Variants in EAF2 observed in about 807,000 individuals in gnomAD.
The protein encoded by EAF2 is ELL associated factor 2.
EAF2 carries 29 observed loss-of-function variants against 29.4 expected under a neutral mutation model. The ratio of observed to expected loss-of-function variants is 0.99; its 90% CI spans 0.73 to 1.35. The LOEUF (loss-of-function observed/expected upper bound fraction) is 1.35, where lower values mean the gene tolerates loss of function less well. Ranked by LOEUF, EAF2 falls within the 40% of genes most tolerant of loss-of-function variation. The pLI is 0.00. For synonymous variants in EAF2, 103 were observed against 102.5 expected, an observed-to-expected ratio of 1.00 and a Z score of -0.03; for missense variants, 292 against 312.0, an observed-to-expected ratio of 0.94 and a Z score of 0.48.
intron 2 of EAF2, among the ~76,000 whole-genome samples, chr3:121,847,069 C>T (rs1708541817): frequency 6.6e-6 from 1 of 152,156 alleles, no homozygotes; most frequent in Non-Finnish European, 1.5e-5. Flanking sequence ...AAGAATATGC[C>T]TCAGTATTTG....
intron 1 of EAF2, among the ~76,000 whole-genome samples, chr3:121,840,519 A>AAAAAC (rs1708398539): frequency 1.6e-5 from 2 of 128,914 alleles, no homozygotes; most frequent in African/African-American, 3.0e-5. Flanking sequence ...GAAAAAAAAA[A>AAAAAC]AACGGGCCGG....
intron 2 of EAF2, among the ~76,000 whole-genome samples, chr3:121,850,757 C>T (rs555980401): frequency 2.4e-4 from 37 of 152,162 alleles, no homozygotes; most frequent in African/African-American, 8.7e-4. Context: ...AGTGCAGTGG[C>T]GCAATCTTGG....
chr3:121,845,206 G>A (rs1268704364), intron 2 of EAF2, among the ~76,000 whole-genome samples: 2 of 152,094 alleles, frequency 1.3e-5, no homozygotes, highest in East Asian at 3.9e-4. Context: ...TTGGGAGGCC[G>A]AAGCAGGTGG....
Position 121,872,790 on chromosome 3 carries a change from T to A in EAF2, c.736+2T>A, listed in dbSNP as rs1225049535. 6.2e-7 allele frequency: 1 copy of A among 1,605,294 alleles called. No individual in the cohort carries two copies. The highest frequency in any genetic ancestry group is 1.1e-5 in the South Asian group (1 of 89,894). ...GTGGCCTTCTGATGAATACTTTAAG[T>A]AAGTATACATAAACACAGGCAATTG... On this transcript the variant is annotated splice_donor_variant, in intron 5 of 5. Transcript: ENST00000273668. LOFTEE classifies it high-confidence loss of function.
Position 121,868,750 on chromosome 3 carries a change from A to C in EAF2, c.485-3787A>C, listed in dbSNP as rs74338131. Among the ~76,000 whole-genome samples, 378 of 152,358 alleles carry C rather than the reference A, an allele frequency of 2.5e-3. 1 individual carries two copies. Among genetic ancestry groups the C allele is most frequent in the Middle Eastern group, 0.014 (4 of 294 alleles). On this transcript the variant is annotated intron_variant, in intron 4 of 5. Coordinates refer to ENST00000273668, the MANE Select transcript of EAF2 (RefSeq NM_018456.6). Reference sequence around the variant, plus strand: ...AAAACTGCTAGAACTGAAAAGAGAAATCTGCAAATCCACAATTATGCCTGG... The same window carrying C: ...AAAACTGCTAGAACTGAAAAGAGAACTCTGCAAATCCACAATTATGCCTGG...
At chr3:121,872,899 A>G (rs913810782) in intron 5 of EAF2, 111 bp downstream of exon 5, 13 of 1,371,682 alleles carry the variant, frequency 9.5e-6, no homozygotes, top group Non-Finnish European at 1.3e-5. Flanking sequence ...TATGCATTTG[A>G]TACTATTAAT....
Position 121,835,527 on chromosome 3 carries a change from G to A in EAF2, c.106+136G>A, listed in dbSNP as rs1254273260. On this transcript the variant is annotated intron_variant, in intron 1 of 5. Coordinates refer to ENST00000273668, the MANE Select transcript of EAF2 (RefSeq NM_018456.6). ...ACGGGGCGGGGAGGGGGGAGGCAGC[G>A]CGATCCTCTAACCTGCTCGGAGTCT... 10 of 762,378 alleles carry A rather than the reference G, an allele frequency of 1.3e-5. No individual in the cohort carries two copies. In the East Asian group the frequency reaches 2.4e-4, roughly 19 times the overall value. The allele number at this position is 762,378 out of a possible 1,614,324, so 47.2% of individuals were successfully genotyped here. A position where few individuals can be genotyped will look rare whatever the true frequency, so the allele number is the denominator to read the frequency against.
chr3:121,844,282 A>G (rs1708483738), intron 1 of EAF2, among the ~76,000 whole-genome samples, 171 bp from the exon 2 acceptor site: 1 of 152,188 alleles, frequency 6.6e-6, no homozygotes. Context: ...ATGCATACAG[A>G]AATAAATAAA....
chr3:121,875,482 A>G (rs1321737234), intron 5 of EAF2, among the ~76,000 whole-genome samples: 1 of 151,910 alleles, frequency 6.6e-6, no homozygotes, highest in Non-Finnish European at 1.5e-5. Context: ...GAACTACAAA[A>G]CCCTGTCAGA....
intron 2 of EAF2, among the ~76,000 whole-genome samples, chr3:121,849,424 CAAAGTGTCG>C (rs929441463): frequency 7.9e-5 from 12 of 152,156 alleles, no homozygotes; most frequent in Non-Finnish European, 1.6e-4. Flanking sequence ...TACAAAATTT[CAAAGTGTCG>C]AATTTTGAAA....
intron 5 of EAF2, among the ~76,000 whole-genome samples, chr3:121,878,669 C>G (rs1359562816): frequency 6.6e-6 from 1 of 152,036 alleles, no homozygotes; most frequent in Non-Finnish European, 1.5e-5. Context: ...CTTTCTGTGC[C>G]TGGCTTATTT....
In EAF2 at chr3:121,840,428, T is replaced by C. The variant is rs1230022814; in HGVS notation, c.107-4025T>C. Among the ~76,000 whole-genome samples, 6 of 136,376 alleles carry C rather than the reference T, an allele frequency of 4.4e-5. No individual in the cohort carries two copies. The East Asian group carries it at 1.3e-3, about 29-fold the overall frequency. 89.5% of individuals were successfully genotyped at this position (136,376 alleles called of 152,430 possible). ...ATCGCTTGAACCAGGGAGGCGGAGA[T>C]TGTAGTGGGCCAAGATCGCGCCACT... On this transcript the variant is annotated intron_variant, in intron 1 of 5. Coordinates refer to ENST00000273668, the MANE Select transcript of EAF2 (RefSeq NM_018456.6).
intron 2 of EAF2, among the ~76,000 whole-genome samples, chr3:121,851,975 A>G (rs1025741853): frequency 9.2e-5 from 14 of 152,356 alleles, no homozygotes; most frequent in Admixed American, 2.0e-4. Flanking sequence ...ATGGTGTTCA[A>G]TTTAATGAGG....
chr3:121,858,885 T>C (rs1708774030), intron 4 of EAF2, among the ~76,000 whole-genome samples: 1 of 152,224 alleles, frequency 6.6e-6, no homozygotes. Flanking sequence ...GCTTTCTACA[T>C]ACGGCTAGCC....
chr3:121,835,430 C>A (rs1448796507), intron 1 of EAF2, 39 bp downstream of exon 1: 10 of 1,578,856 alleles, frequency 6.3e-6, no homozygotes, highest in South Asian at 2.2e-5. Flanking sequence ...GGGAGCCTCC[C>A]GGGATGGGGG....
At chr3:121,866,154 C>T (rs1020380091) in intron 4 of EAF2, among the ~76,000 whole-genome samples, 12 of 152,166 alleles carry the variant, frequency 7.9e-5, no homozygotes, top group Admixed American at 6.5e-4. Flanking sequence ...CACCTATACG[C>T]ACCACATCTC....
At chr3:121,872,163 C>T (rs2107539339) in intron 4 of EAF2, among the ~76,000 whole-genome samples, 1 of 152,016 alleles carries the variant, frequency 6.6e-6, no homozygotes, top group South Asian at 2.1e-4. Flanking sequence ...TACATTATCA[C>T]ATTATATTAT....
In EAF2 at chr3:121,856,319, C is replaced by CTTTT. The variant is rs202213987; in HGVS notation, c.339-681_339-678dup. ...CTTATCTGTTCAATTTAAGCAATGGCTTTTTTTTTTTTTTGGTTGTTGTTT... is the reference window on the plus strand; with the variant it reads ...CTTATCTGTTCAATTTAAGCAATGGCTTTTTTTTTTTTTTTTTTGGTTGTTGTTT... On this transcript the variant is annotated intron_variant, in intron 3 of 5. Transcript: ENST00000273668. Among the ~76,000 whole-genome samples the CTTTT allele has an allele frequency of 4.7e-4, 64 of 136,458 alleles. No individual in the cohort carries two copies. In the South Asian group the frequency reaches 4.8e-3, roughly 10 times the overall value. The allele number at this position is 136,458 out of a possible 152,430, so 89.5% of individuals were successfully genotyped here. A position where few individuals can be genotyped will look rare whatever the true frequency, so the allele number is the denominator to read the frequency against.
At chr3:121,858,209 G>A (rs1357916121) in intron 4 of EAF2, among the ~76,000 whole-genome samples, 1 of 152,200 alleles carries the variant, frequency 6.6e-6, no homozygotes, top group Admixed American at 6.5e-5. Flanking sequence ...TGGGTCAAAT[G>A]GTATTTCTAG....
Sources: allele counts gnomAD v4.1 joint callset (sites outside exome capture counted in the v4.1 genomes callset), GRCh38; gene constraint gnomAD v4.1.1; transcripts MANE v1.5; gene names NCBI Gene and HGNC (gene_info 2026-07-23, HGNC 2026-07-21).